The following SUPT20H variants were observed in gnomAD, a reference collection of about 807,000 sequenced individuals.
SUPT20H encodes the protein transcription factor SPT20 homolog.
Under a neutral mutation model 122.8 loss-of-function variants are expected in SUPT20H, and 82 were observed. The observed-to-expected ratio is 0.67, with a 90% confidence interval of 0.56 to 0.80. The LOEUF is 0.80. Ranked by LOEUF, SUPT20H falls within the 30% of genes least tolerant of loss-of-function variation. The pLI is 0.00. For missense variants in SUPT20H, 831 were observed against 921.6 expected (o/e 0.90, Z 1.27); for synonymous variants, 291 against 313.0 (o/e 0.93, Z 0.74).
At chr13:37,054,730 T>C (rs61946885) in intron 1 of SUPT20H, among the ~76,000 whole-genome samples, 1 of 152,160 alleles carries the variant, frequency 6.6e-6, no homozygotes, top group East Asian at 1.9e-4. Flanking sequence ...CCTCTCTCAC[T>C]ACTCCTATTC....
At chr13:37,058,123 G>A (rs545464878) in intron 1 of SUPT20H, among the ~76,000 whole-genome samples, 3 of 151,920 alleles carry the variant, frequency 2.0e-5, no homozygotes, top group South Asian at 2.1e-4. Context: ...AAAATTAGCC[G>A]GGTGTGTTGG....
At chr13:37,048,496 C>G in intron 3 of SUPT20H, 68 bp downstream of exon 3, 1 of 1,429,026 alleles carries the variant, frequency 7.0e-7, no homozygotes, top group East Asian at 2.5e-5. Flanking sequence ...ATACAAAAAT[C>G]TCTTAAAACT....
At chr13:37,027,852 G>A (rs1021587670) in intron 14 of SUPT20H, among the ~76,000 whole-genome samples, 1 of 151,994 alleles carries the variant, frequency 6.6e-6, no homozygotes, top group Non-Finnish European at 1.5e-5. Flanking sequence ...CATGTTCAAA[G>A]GTTAAAGTCC....
intron 7 of SUPT20H, 62 bp from the exon 8 acceptor site, chr13:37,040,754 A>T (rs1376487730): frequency 4.8e-6 from 6 of 1,259,124 alleles, no homozygotes; most frequent in Non-Finnish European, 7.0e-6. Context: ...AAGTGGGTTT[A>T]TATCAAACAT....
intron 10 of SUPT20H, among the ~76,000 whole-genome samples, chr13:37,032,873 C>T (rs972940721): frequency 6.6e-6 from 1 of 152,094 alleles, no homozygotes; most frequent in Non-Finnish European, 1.5e-5. Context: ...GTAGGTGTGC[C>T]TGGATTCAGT....
intron 12 of SUPT20H, 89 bp downstream of exon 12, chr13:37,031,478 T>G: frequency 1.4e-6 from 1 of 705,616 alleles, no homozygotes. Flanking sequence ...TTAAAGTAAG[T>G]TTTTTTTTTG....
chr13:37,011,385 T>C (rs2059600297), intron 24 of SUPT20H, among the ~76,000 whole-genome samples: 1 of 152,232 alleles, frequency 6.6e-6, no homozygotes, highest in African/African-American at 2.4e-5. Flanking sequence ...GGAAATTCAC[T>C]ACCTCTAAAT....
intron 1 of SUPT20H, among the ~76,000 whole-genome samples, chr13:37,055,890 G>C (rs2068866069): frequency 6.6e-6 from 1 of 152,148 alleles, no homozygotes; most frequent in Admixed American, 6.5e-5. Context: ...CTAATATCCA[G>C]AATCTACAAT....
At position 37,012,272 on chromosome 13, in the gene SUPT20H, T is replaced by G; in HGVS notation, c.2018A>C (p.Gln673Pro). 1 of 1,613,404 alleles carries G rather than the reference T, an allele frequency of 6.2e-7. No homozygotes were observed. Among genetic ancestry groups the G allele is most frequent in the Non-Finnish European group, 8.5e-7 (1 of 1,179,472 alleles). ...TTGCTGAGCAGATAAGGCCTGTTCT[T>G]GACTGGTTGAACCTTGCTCAGAACC... ...EQGSEQGSTS[Q>P]EQALSAQQAA... The change falls in exon 24 of 26, where the codon CAA becomes CCA. Residue 673 changes from glutamine to proline, a missense_variant. Gln to Pro is a moderately conservative substitution (Grantham distance 76). Coordinates refer to ENST00000350612, the MANE Select transcript of SUPT20H (RefSeq NM_001014286.3).
chr13:37,019,524 A>G, intron 21 of SUPT20H, 127 bp from the exon 22 acceptor site: 1 of 526,002 alleles, frequency 1.9e-6, no homozygotes, highest in Non-Finnish European at 3.1e-6. Context: ...TATTTTCCAT[A>G]CTTCAAAAAT....
rs955093194 is a variant in SUPT20H, at chr13:37,044,161, G to A, written c.313C>T (p.Pro105Ser). Residue 105 changes from proline to serine, a missense_variant, in exon 7 of 26, where the codon CCC becomes TCC. Transcript: ENST00000350612. ...NGSDSETIRL[P>S]YEEGELLEYL... ...TCAAGCAACTCTCCTTCTTCATAGG[G>A]CAGTCGAATGGTCTCGGAATCTTAA... 4.3e-6 allele frequency: 7 copies of A among 1,611,958 alleles called. No homozygotes were observed. The highest frequency in any genetic ancestry group is 2.2e-5 in the East Asian group (1 of 44,760).
chr13:37,033,787 A>T (rs986689741), intron 9 of SUPT20H, among the ~76,000 whole-genome samples, 199 bp from the exon 10 acceptor site: 5 of 152,234 alleles, frequency 3.3e-5, no homozygotes, highest in Admixed American at 3.3e-4. Flanking sequence ...TGGAAATTCA[A>T]TGCAGGTATA....
intron 5 of SUPT20H, among the ~76,000 whole-genome samples, chr13:37,046,506 T>C (rs2066464023): frequency 6.6e-6 from 1 of 152,200 alleles, no homozygotes; most frequent in Admixed American, 6.5e-5. Context: ...TTTGTACCTG[T>C]GAGGCAGGCC....
intron 1 of SUPT20H, chr13:37,057,217 C>T (rs1000488726): frequency 2.6e-5 from 4 of 151,692 alleles, no homozygotes; most frequent in African/African-American, 9.7e-5. Flanking sequence ...ATCACTTAAG[C>T]TTGGGAAATA....
At chr13:37,024,265 G>T (rs1281631967) in intron 18 of SUPT20H, 72 bp from the exon 19 acceptor site, 4 of 1,524,218 alleles carry the variant, frequency 2.6e-6, no homozygotes, top group African/African-American at 2.8e-5. Context: ...TCAAAATGGG[G>T]CAAAGTTTTA....
chr13:37,032,368 CG>C (rs1159364520), intron 10 of SUPT20H, among the ~76,000 whole-genome samples: 1 of 152,032 alleles, frequency 6.6e-6, no homozygotes. Context: ...TGTAAGACTC[CG>C]GAAGTTGCCA....
Position 37,017,149 on chromosome 13 carries a change from G to A in SUPT20H, c.1992+96C>T, listed in dbSNP as rs1212059618. The A allele has an allele frequency of 1.9e-6, 3 of 1,545,032 alleles. No individual in the cohort carries two copies. In the African/African-American group the frequency reaches 4.1e-5, roughly 21 times the overall value. ...TGTTAATAAAAACAGTACAGGAAAT[G>A]TTTACACTAACAAAGCAAATGAAGT... On this transcript the variant is annotated intron_variant, in intron 23 of 25. Transcript: ENST00000350612.
In SUPT20H at chr13:37,022,809, A is replaced by G. The variant is rs1311706192; in HGVS notation, c.1592-729T>C. 33 of 1,066,394 alleles carry G rather than the reference A, an allele frequency of 3.1e-5. No homozygotes were observed. Among genetic ancestry groups the G allele is most frequent in the Non-Finnish European group, 3.6e-5 (31 of 871,362 alleles). 66.1% of individuals were successfully genotyped at this position (1,066,394 alleles called of 1,614,324 possible). A position where few individuals can be genotyped will look rare whatever the true frequency, so the allele number is the denominator to read the frequency against. ...TACATGTTTAATTCCTAACACATCA[A>G]GTTTATCCTGACAAACAAATTTACA... On this transcript the variant is annotated intron_variant, in intron 19 of 25. Coordinates refer to ENST00000350612, the MANE Select transcript of SUPT20H (RefSeq NM_001014286.3). This position sits in a 1 kb window ranked among gnomAD's most constrained non-coding sequence, Gnocchi z 4.5.
intron 6 of SUPT20H, 102 bp from the exon 7 acceptor site, chr13:37,044,283 G>A: frequency 1.8e-5 from 15 of 818,554 alleles, no homozygotes; most frequent in South Asian, 6.0e-5. Flanking sequence ...AAAACCAAAA[G>A]GCATTTCAAC....
Sources: gnomAD v4.1 joint callset for allele counts (sites outside exome capture counted in the v4.1 genomes callset) on GRCh38, gnomAD v4.1.1 for gene constraint, Gnocchi (gnomAD v3.1) non-coding constraint, MANE v1.5 for transcripts, NCBI Gene and HGNC (gene_info 2026-07-23, HGNC 2026-07-21) for gene names.